Variants in SLC23A2 observed in about 807,000 individuals in gnomAD.
The protein encoded by SLC23A2 is solute carrier family 23 member 2.
SLC23A2 carries 36 observed loss-of-function variants against 73.3 expected under a neutral mutation model. That is an observed-to-expected ratio of 0.49 (90% CI 0.38 to 0.65). The LOEUF (loss-of-function observed/expected upper bound fraction) is 0.65. SLC23A2 is among the 30% of genes least tolerant of loss of function. The pLI is 0.00. For missense variants in SLC23A2, 507 were observed against 841.6 expected (o/e 0.60, Z 4.92); for synonymous variants, 343 against 327.3 (o/e 1.05, Z -0.52).
chr20:4,884,442 G>A (rs183101914), intron 8 of SLC23A2, among the ~76,000 whole-genome samples: 15 of 152,316 alleles, frequency 9.8e-5, no homozygotes, highest in African/African-American at 3.4e-4. Flanking sequence ...GCTATCTGTC[G>A]ATGATGAGCC....
At chr20:5,008,184 A>G (rs553332466) in intron 1 of SLC23A2, among the ~76,000 whole-genome samples, 1 of 152,190 alleles carries the variant, frequency 6.6e-6, no homozygotes, top group East Asian at 1.9e-4. Context: ...TGCTGGGATT[A>G]CAGGTGTGAG....
At chr20:4,907,477 A>G (rs1306032373) in intron 4 of SLC23A2, among the ~76,000 whole-genome samples, 1 of 152,194 alleles carries the variant, frequency 6.6e-6, no homozygotes, top group Non-Finnish European at 1.5e-5. Context: ...TATTTTTTAA[A>G]AAGCTTAAAA....
chr20:4,964,362 C>A (rs1258881571), intron 2 of SLC23A2, among the ~76,000 whole-genome samples: 1 of 152,034 alleles, frequency 6.6e-6, no homozygotes, highest in African/African-American at 2.4e-5. Context: ...AGCCTTTGAC[C>A]TAACAATTTT....
intron 1 of SLC23A2, among the ~76,000 whole-genome samples, chr20:4,996,959 T>TGG (rs1330519940): frequency 2.0e-5 from 3 of 152,158 alleles, no homozygotes; most frequent in African/African-American, 7.2e-5. Context: ...TTGGGTATGC[T>TGG]GGGTTGGCAT....
In SLC23A2 at chr20:4,862,360, C is replaced by A. The variant is rs917436872; in HGVS notation, c.1487-275G>T. Among the ~76,000 whole-genome samples the A allele has an allele frequency of 6.6e-6, 1 of 152,220 alleles. No homozygotes were observed. The highest frequency in any genetic ancestry group is 1.5e-5 in the Non-Finnish European group (1 of 68,038). ...AAATAGAAAACTAAGGACATTGGTT[C>A]TCTCTCTACACAAACATTTTGATTA... On this transcript the variant is annotated intron_variant, in intron 14 of 16. Coordinates refer to ENST00000338244, the MANE Select transcript of SLC23A2 (RefSeq NM_005116.6). The surrounding 1 kb of genome is among the most constrained non-coding windows in gnomAD (Gnocchi z 5.1).
intron 3 of SLC23A2, among the ~76,000 whole-genome samples, chr20:4,920,616 T>TA (rs1932471494): frequency 6.6e-6 from 1 of 152,140 alleles, no homozygotes; most frequent in African/African-American, 2.4e-5. Flanking sequence ...TTTGCAGTTA[T>TA]AAAAAACAAT....
chr20:4,898,055 C>T (rs568800346), intron 6 of SLC23A2, among the ~76,000 whole-genome samples: 1 of 152,352 alleles, frequency 6.6e-6, no homozygotes, highest in Non-Finnish European at 1.5e-5. Flanking sequence ...GAGCCCTGAA[C>T]ACTGTACCCA....
Position 4,883,590 on chromosome 20 carries a change from T to C in SLC23A2, c.824+52A>G. 1.4e-5 allele frequency: 18 copies of C among 1,294,344 alleles called. No homozygotes were observed. The highest frequency in any genetic ancestry group is 1.9e-5 in the Non-Finnish European group (18 of 927,922). 80.2% of individuals were successfully genotyped at this position (1,294,344 alleles called of 1,614,324 possible). ...TTATCTCCTGAAGTCTGTGTGAATG[T>C]TCCTAAAGGCTGCCCCGCAGTGGTG... On this transcript the variant is annotated intron_variant, in intron 9 of 16. Transcript: ENST00000338244. This position sits in a 1 kb window ranked among gnomAD's most constrained non-coding sequence, Gnocchi z 4.5.
rs577133710 is a variant in SLC23A2, at chr20:4,961,229, G to A, written c.-155+9564C>T. Among the ~76,000 whole-genome samples the A allele has an allele frequency of 5.3e-5, 8 of 150,908 alleles. No homozygotes were observed. The East Asian group carries it at 5.9e-4, about 11-fold the overall frequency. ...TTCAAGCAATTCTCCCTATAGGCACGTGTCACCATGCCCAGCTAATTTTTT... is the reference window on the plus strand; with the variant it reads ...TTCAAGCAATTCTCCCTATAGGCACATGTCACCATGCCCAGCTAATTTTTT... On this transcript the variant is annotated intron_variant, in intron 2 of 16. Transcript: ENST00000338244.
At chr20:4,953,428 C>G (rs1317964757) in intron 2 of SLC23A2, among the ~76,000 whole-genome samples, 2 of 151,860 alleles carry the variant, frequency 1.3e-5, no homozygotes, top group Non-Finnish European at 2.9e-5. Flanking sequence ...GCCCTTCTCC[C>G]AAACAGAAAG....
intron 3 of SLC23A2, among the ~76,000 whole-genome samples, chr20:4,917,485 T>G (rs1932364717): frequency 6.6e-6 from 1 of 151,784 alleles, no homozygotes; most frequent in African/African-American, 2.4e-5. Flanking sequence ...GGAAGCTGGG[T>G]GGATGGAGGT....
chr20:5,003,267 C>T (rs2088152080), upstream of SLC23A2, among the ~76,000 whole-genome samples: 1 of 152,052 alleles, frequency 6.6e-6, no homozygotes, highest in Non-Finnish European at 1.5e-5. Flanking sequence ...GCCTGTAGTC[C>T]CAGCTACTCG....
At chr20:4,940,027 T>C (rs1455772002) in intron 2 of SLC23A2, among the ~76,000 whole-genome samples, 1 of 152,084 alleles carries the variant, frequency 6.6e-6, no homozygotes, top group Non-Finnish European at 1.5e-5. Context: ...TCTAGAAGAA[T>C]AAGCAAGGGC....
At chr20:4,953,868 G>T (rs1043169552) in intron 2 of SLC23A2, among the ~76,000 whole-genome samples, 1 of 152,054 alleles carries the variant, frequency 6.6e-6, no homozygotes, top group African/African-American at 2.4e-5. Flanking sequence ...CAGCCTCAGC[G>T]ACAGACAGAG....
chr20:5,005,054 A>C (rs889919679), upstream of SLC23A2, among the ~76,000 whole-genome samples: 1 of 150,930 alleles, frequency 6.6e-6, no homozygotes, highest in Non-Finnish European at 1.5e-5. Context: ...TAATAGCTAA[A>C]TAAAGAAAGA....
At chr20:4,961,343 A>G (rs747721743) in intron 2 of SLC23A2, among the ~76,000 whole-genome samples, 1 of 151,752 alleles carries the variant, frequency 6.6e-6, no homozygotes, top group Non-Finnish European at 1.5e-5. Flanking sequence ...TGGCCTCCCA[A>G]AGTGCTGGGA....
At chr20:4,983,939 A>G (rs559890966) in intron 1 of SLC23A2, among the ~76,000 whole-genome samples, 1 of 151,586 alleles carries the variant, frequency 6.6e-6, no homozygotes, top group South Asian at 2.1e-4. Context: ...CTGGGCAACA[A>G]GAGTAAAACT....
At chr20:4,918,505 T>C (rs888615208) in intron 3 of SLC23A2, among the ~76,000 whole-genome samples, 1 of 152,206 alleles carries the variant, frequency 6.6e-6, no homozygotes, top group East Asian at 1.9e-4. Flanking sequence ...TGCTTGTGTT[T>C]TATTTTTACT....
At chr20:4,957,211 T>G (rs2087304739) in intron 2 of SLC23A2, among the ~76,000 whole-genome samples, 1 of 152,100 alleles carries the variant, frequency 6.6e-6, no homozygotes, top group South Asian at 2.1e-4. Context: ...TCCCAGTGCT[T>G]TGGGGGGCTT....
Sources: gnomAD v4.1 joint callset for allele counts (sites outside exome capture counted in the v4.1 genomes callset) on GRCh38, gnomAD v4.1.1 for gene constraint, Gnocchi (gnomAD v3.1) non-coding constraint, MANE v1.5 for transcripts, NCBI Gene and HGNC (gene_info 2026-07-23, HGNC 2026-07-21) for gene names.